The following GALNT10 variants were observed in gnomAD, a reference collection of about 807,000 sequenced individuals.
The protein encoded by GALNT10 is GalNAc transferase 10.
GALNT10 carries 41 observed loss-of-function variants against 75.0 expected under a neutral mutation model. That is an observed-to-expected ratio of 0.55 (90% CI 0.43 to 0.71). The LOEUF is 0.71. Among genes scored for constraint, GALNT10 ranks in the 30% least tolerant of loss-of-function variants. The probability of loss-of-function intolerance (pLI) is 0.00; values close to 1 mark genes in which losing one functional copy is unlikely to be tolerated. For synonymous variants in GALNT10, 302 were observed against 313.0 expected (o/e 0.96, Z 0.37); for missense variants, 727 against 818.5 (o/e 0.89, Z 1.36).
chr5:154,409,478 A>G lies in GALNT10; in HGVS notation c.1165-63A>G, dbSNP rs754766062. 2.0e-5 allele frequency: 21 copies of G among 1,070,466 alleles called. No individual in the cohort carries two copies. Among genetic ancestry groups the G allele is most frequent in the Non-Finnish European group, 2.8e-5 (19 of 683,194 alleles). 66.3% of individuals were successfully genotyped at this position (1,070,466 alleles called of 1,614,324 possible). A position where few individuals can be genotyped will look rare whatever the true frequency, so the allele number is the denominator to read the frequency against. On this transcript the variant is annotated intron_variant, in intron 8 of 11. Transcript: ENST00000297107. The surrounding 1 kb of genome is among the most constrained non-coding windows in gnomAD (Gnocchi z 4.5). ...ACCTCGACCTGCCAGGACCCTTTTC[A>G]CCCCACTGCCTGGCTTTGGCTTCTT...
intron 1 of GALNT10, among the ~76,000 whole-genome samples, chr5:154,266,330 T>G (rs987699177): frequency 6.6e-6 from 1 of 151,984 alleles, no homozygotes; most frequent in African/African-American, 2.4e-5. Flanking sequence ...ACAAGATAAA[T>G]AAAGGAACTA....
chr5:154,301,956 C>T (rs998460199), intron 3 of GALNT10, among the ~76,000 whole-genome samples: 11 of 152,226 alleles, frequency 7.2e-5, no homozygotes, highest in African/African-American at 2.7e-4. Context: ...AAAGATGTCA[C>T]TACTGCCAGC....
intron 1 of GALNT10, among the ~76,000 whole-genome samples, chr5:154,264,330 AGTG>A: frequency 6.7e-6 from 1 of 149,064 alleles, no homozygotes; most frequent in African/African-American, 2.5e-5. Flanking sequence ...AAAAAAAAAA[AGTG>A]ATTTGGGGGA....
intron 1 of GALNT10, among the ~76,000 whole-genome samples, chr5:154,209,306 TCTA>T (rs2113647226): frequency 6.6e-6 from 1 of 152,304 alleles, no homozygotes; most frequent in Non-Finnish European, 1.5e-5. Context: ...TCCAGCATCT[TCTA>T]CTAACCACTG....
intron 4 of GALNT10, among the ~76,000 whole-genome samples, chr5:154,355,384 T>C (rs537454606): frequency 6.6e-6 from 1 of 152,232 alleles, no homozygotes; most frequent in Non-Finnish European, 1.5e-5. Context: ...GCTTCTCTGA[T>C]ACTCTGGCCC....
At chr5:154,410,084 A>G (rs777160760) in intron 9 of GALNT10, among the ~76,000 whole-genome samples, 10 of 152,248 alleles carry the variant, frequency 6.6e-5, no homozygotes, top group Non-Finnish European at 1.2e-4. Context: ...CATGATCTGT[A>G]TTTCCCACCT....
At chr5:154,311,521 T>C (rs1234207772) in intron 3 of GALNT10, among the ~76,000 whole-genome samples, 1 of 152,074 alleles carries the variant, frequency 6.6e-6, no homozygotes, top group Non-Finnish European at 1.5e-5. Flanking sequence ...AGGCTCGACC[T>C]AGATCCAAGC....
At chr5:154,270,966 C>A (rs1039866350) in intron 1 of GALNT10, among the ~76,000 whole-genome samples, 20 of 140,890 alleles carry the variant, frequency 1.4e-4, no homozygotes, top group Non-Finnish European at 2.6e-4. Context: ...TGCACTCCAG[C>A]CAGGGTGACA....
chr5:154,208,947 T>C (rs1775152098), intron 1 of GALNT10, among the ~76,000 whole-genome samples: 1 of 152,286 alleles, frequency 6.6e-6, no homozygotes, highest in Non-Finnish European at 1.5e-5. Flanking sequence ...CAGCTATGCT[T>C]ACTGAGTGGT....
rs1424075846 is a variant in GALNT10 at position 154,416,476 on chromosome 5, CACAT to C, written c.1654-334_1654-331del. Among the ~76,000 whole-genome samples the C allele has an allele frequency of 3.4e-5, 3 of 88,012 alleles. No individual in the cohort carries two copies. Among genetic ancestry groups the C allele is most frequent in the African/African-American group, 1.4e-4 (3 of 21,924 alleles). 57.7% of individuals were successfully genotyped at this position (88,012 alleles called of 152,430 possible). A position where few individuals can be genotyped will look rare whatever the true frequency, so the allele number is the denominator to read the frequency against. On this transcript the variant is annotated intron_variant, in intron 11 of 11. Transcript: ENST00000297107. This position sits in a 1 kb window ranked among gnomAD's most constrained non-coding sequence, Gnocchi z 4.5. ...AAAAAAATAAAAGATAAAAGGAAAG[CACAT>C]ACACACACACACACACACACACACA...
chr5:154,302,321 G>T (rs1754374627), intron 3 of GALNT10, among the ~76,000 whole-genome samples: 1 of 152,268 alleles, frequency 6.6e-6, no homozygotes, highest in Admixed American at 6.5e-5. Flanking sequence ...GAGAACGGAA[G>T]CGAGGCAGTT....
At chr5:154,309,292 T>A (rs1233765216) in intron 3 of GALNT10, among the ~76,000 whole-genome samples, 1 of 151,832 alleles carries the variant, frequency 6.6e-6, no homozygotes, top group Non-Finnish European at 1.5e-5. Context: ...ATGTGAATGA[T>A]GAGAAGTTAG....
At chr5:154,353,993 T>C (rs1468855454) in intron 4 of GALNT10, among the ~76,000 whole-genome samples, 1 of 152,168 alleles carries the variant, frequency 6.6e-6, no homozygotes, top group Non-Finnish European at 1.5e-5. Context: ...TCATTAAGTG[T>C]TGAATTAATG....
At chr5:154,332,720 C>T (rs1294206390) in intron 4 of GALNT10, among the ~76,000 whole-genome samples, 6 of 152,166 alleles carry the variant, frequency 3.9e-5, no homozygotes, top group African/African-American at 1.4e-4. Context: ...AGCAGCAGGG[C>T]CATCTTCATC....
intron 1 of GALNT10, among the ~76,000 whole-genome samples, chr5:154,283,277 G>A (rs1414967973): frequency 2.7e-5 from 1 of 37,614 alleles, no homozygotes; most frequent in African/African-American, 8.0e-5. Context: ...GACCTCGTCT[G>A]TAAAAAAAAA....
At chr5:154,256,840 C>A (rs370121013) in intron 1 of GALNT10, among the ~76,000 whole-genome samples, 87 of 152,266 alleles carry the variant, frequency 5.7e-4, no homozygotes, top group Non-Finnish European at 8.5e-4. Context: ...CACACCCCAT[C>A]TCCTCCCATC....
At chr5:154,223,385 C>T (rs1356084006) in intron 1 of GALNT10, among the ~76,000 whole-genome samples, 1 of 152,208 alleles carries the variant, frequency 6.6e-6, no homozygotes, top group East Asian at 1.9e-4. Flanking sequence ...TGGATTCAAT[C>T]CCAATACTGT....
chr5:154,322,523 C>T (rs1754690941), intron 3 of GALNT10, among the ~76,000 whole-genome samples: 1 of 152,154 alleles, frequency 6.6e-6, no homozygotes, highest in African/African-American at 2.4e-5. Context: ...GCAAGGCCCC[C>T]TTTGCTACAT....
intron 1 of GALNT10, among the ~76,000 whole-genome samples, chr5:154,202,357 C>A (rs752743845): frequency 6.6e-6 from 1 of 152,164 alleles, no homozygotes; most frequent in African/African-American, 2.4e-5. Flanking sequence ...GGTGTGGTGG[C>A]CAGGAGTTAG....
Sources: gnomAD v4.1 joint callset for allele counts (sites outside exome capture counted in the v4.1 genomes callset) on GRCh38, gnomAD v4.1.1 for gene constraint, Gnocchi (gnomAD v3.1) non-coding constraint, MANE v1.5 for transcripts, NCBI Gene and HGNC (gene_info 2026-07-23, HGNC 2026-07-21) for gene names.